The following SYCP1 variants were observed in gnomAD, a reference collection of about 807,000 sequenced individuals.
SYCP1 encodes the protein cancer/testis antigen 8.
SYCP1 carries 64 observed loss-of-function variants against 153.1 expected under a neutral mutation model. The ratio of observed to expected loss-of-function variants is 0.42; its 90% confidence interval spans 0.34 to 0.51. The LOEUF is 0.51. Ranked by LOEUF, SYCP1 falls within the 20% of genes least tolerant of loss-of-function variation. The probability of loss-of-function intolerance (pLI) is 0.06; values close to 1 mark genes in which losing one functional copy is unlikely to be tolerated. For missense variants in SYCP1, 997 were observed against 1,049.0 expected (o/e 0.95, Z 0.68); for synonymous variants, 384 against 341.8 (o/e 1.12, Z -1.36).
In SYCP1 at chr1:114,874,495, A is replaced by T; in HGVS notation, c.599-11A>T. The T allele has an allele frequency of 6.7e-7, 1 of 1,495,316 alleles. No homozygotes were observed. The highest frequency in any genetic ancestry group is 1.2e-5 in the South Asian group (1 of 81,018). The allele number at this position is 1,495,316 out of a possible 1,614,324, so 92.6% of individuals were successfully genotyped here. On this transcript the variant is annotated splice_polypyrimidine_tract_variant and intron_variant, in intron 8 of 31. Coordinates refer to ENST00000369522, the MANE Select transcript of SYCP1 (RefSeq NM_003176.4). ...TAAAATTTAATCTTGAAATTTTTAT[A>T]TTAACAATAGATGAATATGAACGGG...
intron 7 of SYCP1, 36 bp from the exon 8 acceptor site, chr1:114,860,700 A>G (rs1230505868): frequency 6.9e-7 from 1 of 1,440,020 alleles, no homozygotes; most frequent in Non-Finnish European, 9.5e-7. Context: ...CTTTGAGATC[A>G]GATTACACAC....
chr1:114,988,853 C>G (rs192653651), intron 30 of SYCP1, among the ~76,000 whole-genome samples: 1 of 151,774 alleles, frequency 6.6e-6, no homozygotes, highest in African/African-American at 2.4e-5. Flanking sequence ...TGTTACTAGG[C>G]GCACAATGTA....
rs180985913 is a variant in SYCP1, at chr1:114,877,109, A to T, written c.801+299A>T. Reference sequence around the variant, plus strand: ...TTGTGAGAACTTTTGTTCAGACAAAAACTTCATGAAATGTATAGATGATCA... The same window carrying T: ...TTGTGAGAACTTTTGTTCAGACAAATACTTCATGAAATGTATAGATGATCA... On this transcript the variant is annotated intron_variant, in intron 11 of 31. Transcript: ENST00000369522. Among the ~76,000 whole-genome samples, 9 of 152,266 alleles carry T rather than the reference A, an allele frequency of 5.9e-5. 1 individual carries two copies. In the East Asian group the frequency reaches 1.4e-3, roughly 23 times the overall value.
At chr1:114,887,195 A>G (rs981023457) in intron 14 of SYCP1, among the ~76,000 whole-genome samples, 2 of 152,086 alleles carry the variant, frequency 1.3e-5, no homozygotes, top group Non-Finnish European at 2.9e-5. Flanking sequence ...CTCTATCCCT[A>G]TTACCTCAGT....
intron 23 of SYCP1, among the ~76,000 whole-genome samples, chr1:114,943,439 A>G (rs570809735): frequency 1.3e-5 from 2 of 152,076 alleles, no homozygotes; most frequent in South Asian, 2.1e-4. Flanking sequence ...ATTTTTACAC[A>G]TAAATACCTC....
At chr1:114,985,276 A>G (rs1673426480) in intron 30 of SYCP1, among the ~76,000 whole-genome samples, 1 of 151,918 alleles carries the variant, frequency 6.6e-6, no homozygotes, top group Non-Finnish European at 1.5e-5. Context: ...CTTTTACATC[A>G]CTGGTTGATA....
Position 114,995,065 on chromosome 1 carries a change from A to G in SYCP1, c.*46A>G. ...TAAGGAGCCTAATAACGTGAAACTT[A>G]TAGTTAATATTTTGTTCTTATTTGC... On this transcript the variant is annotated 3_prime_UTR_variant, in exon 32 of 32. Transcript: ENST00000369522. The G allele has an allele frequency of 6.7e-7, 1 of 1,495,000 alleles. No homozygotes were observed. The highest frequency in any genetic ancestry group is 8.9e-7 in the Non-Finnish European group (1 of 1,123,108). 92.6% of individuals were successfully genotyped at this position (1,495,000 alleles called of 1,614,324 possible).
intron 16 of SYCP1, among the ~76,000 whole-genome samples, chr1:114,899,591 C>T (rs532693939): frequency 2.0e-5 from 3 of 152,258 alleles, no homozygotes; most frequent in East Asian, 1.9e-4. Context: ...CTGTGAATAA[C>T]GAAATGTCCA....
intron 21 of SYCP1, 24 bp downstream of exon 21, chr1:114,923,554 C>A: frequency 6.5e-7 from 1 of 1,536,276 alleles, no homozygotes; most frequent in Non-Finnish European, 8.8e-7. Flanking sequence ...AATAATGGAT[C>A]GTATCACAAA....
At chr1:114,937,071 G>GAGCC (rs1670060965) in intron 23 of SYCP1, among the ~76,000 whole-genome samples, 1 of 152,162 alleles carries the variant, frequency 6.6e-6, no homozygotes, top group South Asian at 2.1e-4. Context: ...AACCAAAAAA[G>GAGCC]AGCCCGCATT....
chr1:114,892,259 C>A (rs893369867), intron 15 of SYCP1, among the ~76,000 whole-genome samples: 11 of 152,110 alleles, frequency 7.2e-5, no homozygotes, highest in Non-Finnish European at 1.5e-4. Context: ...GATTCCTATG[C>A]CCCTGATGGA....
chr1:114,941,005 A>G (rs1454533975), intron 23 of SYCP1, among the ~76,000 whole-genome samples: 1 of 152,158 alleles, frequency 6.6e-6, no homozygotes, highest in African/African-American at 2.4e-5. Flanking sequence ...ATTACATACG[A>G]TAGAACTTTA....
chr1:114,913,311 T>C (rs558039270), intron 19 of SYCP1, among the ~76,000 whole-genome samples, 161 bp downstream of exon 19: 1 of 151,948 alleles, frequency 6.6e-6, no homozygotes, highest in African/African-American at 2.4e-5. Flanking sequence ...AGGGTGGTAA[T>C]AGGCAACAGA....
chr1:114,879,308 A>G (rs1424120372), intron 12 of SYCP1, among the ~76,000 whole-genome samples: 1 of 152,188 alleles, frequency 6.6e-6, no homozygotes, highest in Non-Finnish European at 1.5e-5. Context: ...TTGTCTTCAC[A>G]TGGCAAATAA....
chr1:114,879,414 T>C (rs572909470), intron 12 of SYCP1, among the ~76,000 whole-genome samples: 8 of 152,220 alleles, frequency 5.3e-5, no homozygotes, highest in Non-Finnish European at 1.2e-4. Flanking sequence ...TAACTTCATC[T>C]ATATTTTGTG....
At chr1:114,868,838 A>T (rs1003938575) in intron 8 of SYCP1, among the ~76,000 whole-genome samples, 2 of 152,188 alleles carry the variant, frequency 1.3e-5, no homozygotes, top group African/African-American at 2.4e-5. Context: ...TGGGCATAGA[A>T]TTGTTCATAA....
At chr1:114,994,454 A>G (rs959524072) in intron 30 of SYCP1, among the ~76,000 whole-genome samples, 21 of 151,340 alleles carry the variant, frequency 1.4e-4, no homozygotes, top group Admixed American at 1.1e-3. Flanking sequence ...AATACAGTTA[A>G]TAGAATAAAA....
Position 114,962,997 on chromosome 1 carries a change from C to A in SYCP1, c.2323-14560C>A, listed in dbSNP as rs189312792. 3.7e-4 allele frequency among the ~76,000 whole-genome samples: 57 copies of A among 152,206 alleles called. No homozygotes were observed. The East Asian group carries it at 7.9e-3, about 21-fold the overall frequency. On this transcript the variant is annotated intron_variant, in intron 27 of 31. Coordinates refer to ENST00000369522, the MANE Select transcript of SYCP1 (RefSeq NM_003176.4). ...TGTTTAAGGAGCCTAAAGATAAGACCCCAGTCCCTACTAGCTTGTAAGGTT... is the reference window on the plus strand; with the variant it reads ...TGTTTAAGGAGCCTAAAGATAAGACACCAGTCCCTACTAGCTTGTAAGGTT...
At chr1:114,865,266 A>G (rs2101352124) in intron 8 of SYCP1, among the ~76,000 whole-genome samples, 1 of 152,206 alleles carries the variant, frequency 6.6e-6, no homozygotes, top group Middle Eastern at 3.4e-3. Context: ...TTATCTCATC[A>G]GCTATCTTAG....
Sources: allele counts gnomAD v4.1 joint callset (sites outside exome capture counted in the v4.1 genomes callset), GRCh38; gene constraint gnomAD v4.1.1; transcripts MANE v1.5; gene names NCBI Gene and HGNC (gene_info 2026-07-23, HGNC 2026-07-21).